The following RAD21 variants were observed in gnomAD, a reference collection of about 807,000 sequenced individuals.
RAD21 encodes the protein RAD21 cohesin complex component.
Under a neutral mutation model 71.5 loss-of-function variants are expected in RAD21, and 18 were observed. That is an observed-to-expected ratio of 0.25 (90% CI 0.17 to 0.37). The LOEUF (loss-of-function observed/expected upper bound fraction) is 0.37, where lower values mean the gene tolerates loss of function less well. Among genes scored for constraint, RAD21 ranks in the 10% least tolerant of loss-of-function variants. The pLI is 1.00. For missense variants in RAD21, 493 were observed against 769.1 expected (o/e 0.64, Z 4.25); for synonymous variants, 248 against 254.0 (o/e 0.98, Z 0.22).
At chr8:116,861,069 C>A (rs1812582956) in intron 4 of RAD21, among the ~76,000 whole-genome samples, 1 of 151,804 alleles carries the variant, frequency 6.6e-6, no homozygotes, top group African/African-American at 2.4e-5. Flanking sequence ...AATAAAATGT[C>A]AAAAAGAGAG....
At chr8:116,871,567 C>A (rs1348146234) in intron 1 of RAD21, among the ~76,000 whole-genome samples, 2 of 152,202 alleles carry the variant, frequency 1.3e-5, no homozygotes, top group Non-Finnish European at 2.9e-5. Flanking sequence ...TAAATTGGTA[C>A]TGTCCTCTCT....
intron 3 of RAD21, 80 bp from the exon 4 acceptor site, chr8:116,862,020 T>C (rs1447634476): frequency 8.3e-6 from 9 of 1,078,948 alleles, no homozygotes; most frequent in African/African-American, 1.6e-5. Flanking sequence ...TAGGTATAAC[T>C]TCCTAAGTTT....
At chr8:116,847,836 G>A (rs1431725606) in intron 13 of RAD21, 145 bp from the exon 14 acceptor site, 2 of 783,078 alleles carry the variant, frequency 2.6e-6, no homozygotes, top group South Asian at 3.8e-5. Context: ...GCCTAGTGAG[G>A]TGTTTGTGTC....
In RAD21 at chr8:116,846,820, G is replaced by A. The variant is rs15527; in HGVS notation, c.*680C>T. The A allele has an allele frequency of 4.5e-6, 1 of 219,840 alleles. No individual in the cohort carries two copies. The highest frequency in any genetic ancestry group is 5.8e-5 in the Admixed American group (1 of 17,344). 13.6% of individuals were successfully genotyped at this position (219,840 alleles called of 1,614,324 possible). Reference sequence around the variant, plus strand: ...AGCCTCACTAAAATAACAGATTTCAGTATAGCCAAGTTCATCAGAAAGACT... The same window carrying A: ...AGCCTCACTAAAATAACAGATTTCAATATAGCCAAGTTCATCAGAAAGACT... On this transcript the variant is annotated 3_prime_UTR_variant, in exon 14 of 14. Coordinates refer to ENST00000297338, the MANE Select transcript of RAD21 (RefSeq NM_006265.3).
chr8:116,857,946 G>A (rs1459442888), intron 5 of RAD21, among the ~76,000 whole-genome samples: 5 of 152,112 alleles, frequency 3.3e-5, no homozygotes, highest in East Asian at 1.9e-4. Flanking sequence ...GAAGAGCCAC[G>A]GCACTCCAGC....
At chr8:116,849,241 T>C (rs1812304899) in intron 12 of RAD21, 1 of 424,886 alleles carries the variant, frequency 2.4e-6, no homozygotes, top group Non-Finnish European at 4.1e-6. Context: ...GTCCTCTATG[T>C]GCAAGCAAAC....
chr8:116,861,086 G>C (rs1812583585), intron 4 of RAD21, among the ~76,000 whole-genome samples: 1 of 152,136 alleles, frequency 6.6e-6, no homozygotes, highest in Non-Finnish European at 1.5e-5. Flanking sequence ...AGAGAAAAAA[G>C]TAAAATAGCT....
chr8:116,853,172 C>G (rs767315309), intron 9 of RAD21, among the ~76,000 whole-genome samples: 1 of 152,058 alleles, frequency 6.6e-6, no homozygotes, highest in African/African-American at 2.4e-5. Context: ...TCCGCGCCCC[C>G]GGTTCAAGTG....
At chr8:116,871,411 T>C (rs374101877) in intron 1 of RAD21, among the ~76,000 whole-genome samples, 8 of 152,148 alleles carry the variant, frequency 5.3e-5, no homozygotes, top group East Asian at 1.9e-4. Context: ...AGCAGAAAGA[T>C]TGCTATTTTA....
At chr8:116,859,810 G>C (rs533460519) in intron 4 of RAD21, among the ~76,000 whole-genome samples, 1 of 152,142 alleles carries the variant, frequency 6.6e-6, no homozygotes, top group Non-Finnish European at 1.5e-5. Flanking sequence ...TCAAAAGCTA[G>C]AAATGAATAA....
chr8:116,868,587 G>A (rs1406063099), intron 1 of RAD21, among the ~76,000 whole-genome samples: 1 of 149,938 alleles, frequency 6.7e-6, no homozygotes, highest in Non-Finnish European at 1.5e-5. Context: ...TTATCAAAAT[G>A]AGTTTTTTTA....
chr8:116,852,784 T>A, intron 9 of RAD21, 76 bp from the exon 10 acceptor site: 1 of 1,088,504 alleles, frequency 9.2e-7, no homozygotes, highest in South Asian at 2.6e-5. Flanking sequence ...ATTTCTATCT[T>A]CCAAAGGTAT....
rs188912095 is a variant in RAD21, at chr8:116,872,748, G to A, written c.-33+1863C>T. Among the ~76,000 whole-genome samples, 5 of 152,278 alleles carry A rather than the reference G, an allele frequency of 3.3e-5. No homozygotes were observed. In the East Asian group the frequency reaches 7.7e-4, roughly 23 times the overall value. ...AAATCTGGTGGTTTACCTAACCTTT[G>A]AAAACGTCAATACCTAACTCAGATC... On this transcript the variant is annotated intron_variant, in intron 1 of 13. Coordinates refer to ENST00000297338, the MANE Select transcript of RAD21 (RefSeq NM_006265.3).
At chr8:116,866,989 A>C in intron 1 of RAD21, 1 of 290,380 alleles carries the variant, frequency 3.4e-6, no homozygotes, top group Non-Finnish European at 6.3e-6. Context: ...CTGAAAGTAA[A>C]AGGGACAAGA....
intron 12 of RAD21, 28 bp from the exon 13 acceptor site, chr8:116,849,057 G>GACAAA: frequency 6.7e-7 from 1 of 1,500,910 alleles, no homozygotes; most frequent in Non-Finnish European, 9.0e-7. Flanking sequence ...CCAAAAAGCT[G>GACAAA]ACAAAACAAG....
At chr8:116,856,575 A>T in intron 7 of RAD21, 71 bp downstream of exon 7, 2 of 1,442,266 alleles carry the variant, frequency 1.4e-6, no homozygotes, top group Non-Finnish European at 1.8e-6. Context: ...TTAGTTTGTC[A>T]TCTTCTATGG....
chr8:116,874,673 G>C lies in RAD21; in HGVS notation c.-95C>G, dbSNP rs1812933935. On this transcript the variant is annotated 5_prime_UTR_variant, in exon 1 of 14. Coordinates refer to ENST00000297338, the MANE Select transcript of RAD21 (RefSeq NM_006265.3). ...CGGGGAGGGGAAAAGGGTCGGGGGA[G>C]GGGGTGGGGAAAGGGGGGAGCCCTT... is the stretch of plus-strand genomic sequence containing the variant. 2.6e-6 allele frequency: 1 copy of C among 391,498 alleles called. No individual in the cohort carries two copies. The highest frequency in any genetic ancestry group is 2.9e-5 in the Admixed American group (1 of 34,656). The allele number at this position is 391,498 out of a possible 1,614,324, so 24.3% of individuals were successfully genotyped here. A position where few individuals can be genotyped will look rare whatever the true frequency, so the allele number is the denominator to read the frequency against.
At chr8:116,852,129 TCATA>T in intron 10 of RAD21, 33 bp from the exon 11 acceptor site, 1 of 1,574,622 alleles carries the variant, frequency 6.4e-7, no homozygotes, top group Non-Finnish European at 8.7e-7. Context: ...AAAACATAGG[TCATA>T]CAGTTTTGAA....
chr8:116,856,162 T>C lies in RAD21; in HGVS notation c.937+4A>G. The C allele has an allele frequency of 1.2e-6, 2 of 1,608,064 alleles. No homozygotes were observed. The highest frequency in any genetic ancestry group is 1.7e-6 in the Non-Finnish European group (2 of 1,177,698). Reference sequence around the variant, plus strand: ...TGTATAAATCTAAAGGTTCATATGCTTACCAGTTATATCAATAGGCTCCAA... The same window carrying C: ...TGTATAAATCTAAAGGTTCATATGCCTACCAGTTATATCAATAGGCTCCAA... On this transcript the variant is annotated splice_donor_region_variant and intron_variant, in intron 8 of 13. Transcript: ENST00000297338.
Sources: gnomAD v4.1 joint callset for allele counts (sites outside exome capture counted in the v4.1 genomes callset) on GRCh38, gnomAD v4.1.1 for gene constraint, MANE v1.5 for transcripts, NCBI Gene and HGNC (gene_info 2026-07-23, HGNC 2026-07-21) for gene names.